Variants in ATP6V1A observed in about 807,000 individuals in gnomAD.
The protein encoded by ATP6V1A is ATPase H+ transporting V1 subunit A, also known as V-type proton ATPase catalytic subunit A.
In ATP6V1A, 18 loss-of-function variants were observed where a neutral mutation model predicts 70.1. The observed-to-expected ratio is 0.26, with a 90% confidence interval of 0.18 to 0.38. ATP6V1A has a LOEUF of 0.38. ATP6V1A is among the 10% of genes least tolerant of loss of function. ATP6V1A has a pLI of 1.00. For missense variants in ATP6V1A, 424 were observed against 772.4 expected, an observed-to-expected ratio of 0.55 and a Z score of 5.35; for synonymous variants, 232 against 253.8, an observed-to-expected ratio of 0.91 and a Z score of 0.82.
intron 1 of ATP6V1A, among the ~76,000 whole-genome samples, chr3:113,756,011 C>T (rs1240582513): frequency 6.6e-6 from 1 of 152,170 alleles, no homozygotes; most frequent in East Asian, 1.9e-4. Context: ...GAGCTTACTC[C>T]TGATCCAAAT....
At position 113,781,129 on chromosome 3, in the gene ATP6V1A, T is replaced by A; in HGVS notation, c.162T>A (p.Ile54=). The A allele has an allele frequency of 6.2e-7, 1 of 1,613,886 alleles. No homozygotes were observed. Among genetic ancestry groups the A allele is most frequent in the Non-Finnish European group, 8.5e-7 (1 of 1,179,850 alleles). Residue 54 remains isoleucine, a synonymous_variant, in exon 3 of 15, where the codon ATT becomes ATA. Transcript: ENST00000273398. ...RVGHSELVGE[I]IRLEGDMATI... ...GCCACAGCGAATTGGTTGGAGAGATTATTCGATTGGAGGGTGACATGGCTA... is the reference window on the plus strand; with the variant it reads ...GCCACAGCGAATTGGTTGGAGAGATAATTCGATTGGAGGGTGACATGGCTA...
At chr3:113,773,805 A>G (rs767700385) in intron 1 of ATP6V1A, among the ~76,000 whole-genome samples, 22 of 152,102 alleles carry the variant, frequency 1.4e-4, no homozygotes, top group Admixed American at 3.3e-4. Context: ...GCCCAACTCT[A>G]GGTTAGATGC....
chr3:113,806,484 A>C (rs551189432), intron 14 of ATP6V1A, among the ~76,000 whole-genome samples: 3 of 151,254 alleles, frequency 2.0e-5, no homozygotes, highest in South Asian at 2.1e-4. Flanking sequence ...TTTTTGAGAC[A>C]GTCTTGCTCT....
At chr3:113,770,533 G>A (rs1001702837) in intron 1 of ATP6V1A, among the ~76,000 whole-genome samples, 3 of 151,942 alleles carry the variant, frequency 2.0e-5, no homozygotes, top group Non-Finnish European at 4.4e-5. Flanking sequence ...CAAAAAATTA[G>A]CCAGGCATGG....
chr3:113,788,605 A>T, intron 6 of ATP6V1A, 108 bp from the exon 7 acceptor site: 4 of 1,025,328 alleles, frequency 3.9e-6, no homozygotes, highest in Non-Finnish European at 5.6e-6. Context: ...TTCGGCCCCC[A>T]CAAGTGCTGC....
At chr3:113,762,343 C>T (rs539429657) in intron 1 of ATP6V1A, among the ~76,000 whole-genome samples, 4 of 151,752 alleles carry the variant, frequency 2.6e-5, no homozygotes, top group South Asian at 2.1e-4. Context: ...CCAAAGCGGG[C>T]GGATCACCTG....
At chr3:113,777,480 A>G (rs1207253928) in intron 1 of ATP6V1A, among the ~76,000 whole-genome samples, 1 of 152,202 alleles carries the variant, frequency 6.6e-6, no homozygotes, top group Non-Finnish European at 1.5e-5. Context: ...GGAGTGCTGA[A>G]CATGGTGGCT....
intron 1 of ATP6V1A, among the ~76,000 whole-genome samples, chr3:113,758,066 C>T (rs1708664488): frequency 6.6e-6 from 1 of 152,092 alleles, no homozygotes; most frequent in Non-Finnish European, 1.5e-5. Flanking sequence ...ATCACTTGAA[C>T]CTAGGAGGCA....
intron 1 of ATP6V1A, among the ~76,000 whole-genome samples, chr3:113,768,390 C>G (rs1007886724): frequency 6.6e-6 from 1 of 151,906 alleles, no homozygotes; most frequent in African/African-American, 2.4e-5. Context: ...TTTCAAAGTC[C>G]TTTCTTGTTG....
chr3:113,761,353 CTAGTT>C (rs1319135139), intron 1 of ATP6V1A, among the ~76,000 whole-genome samples: 1 of 151,540 alleles, frequency 6.6e-6, no homozygotes, highest in East Asian at 1.9e-4. Flanking sequence ...TTACATTTGG[CTAGTT>C]TAGCTGCTCA....
intron 5 of ATP6V1A, 132 bp downstream of exon 5, chr3:113,784,965 A>C: frequency 2.0e-6 from 2 of 1,005,464 alleles, no homozygotes; most frequent in Non-Finnish European, 2.8e-6. Context: ...ATAATTTTTG[A>C]AAGTTTTTGT....
At chr3:113,754,533 C>T (rs1361646370) in intron 1 of ATP6V1A, among the ~76,000 whole-genome samples, 1 of 147,194 alleles carries the variant, frequency 6.8e-6, no homozygotes, top group African/African-American at 2.5e-5. Context: ...CACCCTGTCT[C>T]AAAAGTAAGA....
At chr3:113,803,792 G>A in intron 13 of ATP6V1A, 115 bp downstream of exon 13, 1 of 710,618 alleles carries the variant, frequency 1.4e-6, no homozygotes, top group East Asian at 2.6e-5. Flanking sequence ...CTCTGACTTA[G>A]TAGATTGGTT....
In ATP6V1A at chr3:113,786,214, C is replaced by T; in HGVS notation, c.565-18C>T. 6.3e-7 allele frequency: 1 copy of T among 1,587,500 alleles called. No homozygotes were observed. The highest frequency in any genetic ancestry group is 8.6e-7 in the Non-Finnish European group (1 of 1,163,172). ...TTCACAAATTTGACCATACTAAAATCCTACTGTATTTCTATAGGATGTTGT... is the reference window on the plus strand; with the variant it reads ...TTCACAAATTTGACCATACTAAAATTCTACTGTATTTCTATAGGATGTTGT... On this transcript the variant is annotated intron_variant, in intron 5 of 14. Coordinates refer to ENST00000273398, the MANE Select transcript of ATP6V1A (RefSeq NM_001690.4).
At chr3:113,766,191 C>T (rs1708768233) in intron 1 of ATP6V1A, among the ~76,000 whole-genome samples, 1 of 152,132 alleles carries the variant, frequency 6.6e-6, no homozygotes, top group Non-Finnish European at 1.5e-5. Flanking sequence ...CCTATAGATC[C>T]TGTGTCTGGT....
At chr3:113,800,780 AGC>A in intron 12 of ATP6V1A, among the ~76,000 whole-genome samples, 1 of 152,224 alleles carries the variant, frequency 6.6e-6, no homozygotes, top group African/African-American at 2.4e-5. Context: ...ATAAAAAGTA[AGC>A]ATTTATGTTT....
intron 11 of ATP6V1A, among the ~76,000 whole-genome samples, chr3:113,797,052 C>T (rs1348911603): frequency 6.6e-6 from 1 of 152,148 alleles, no homozygotes; most frequent in Non-Finnish European, 1.5e-5. Flanking sequence ...TCTCCTGCCT[C>T]AGCCTCCCAA....
chr3:113,788,960 C>A, intron 7 of ATP6V1A, 85 bp downstream of exon 7: 1 of 1,211,786 alleles, frequency 8.3e-7, no homozygotes, highest in Non-Finnish European at 1.2e-6. Flanking sequence ...TGTGTTGGGT[C>A]TGGAGCAATG....
At chr3:113,796,705 T>C (rs1281424197) in intron 11 of ATP6V1A, among the ~76,000 whole-genome samples, 2 of 152,186 alleles carry the variant, frequency 1.3e-5, no homozygotes, top group Non-Finnish European at 2.9e-5. Context: ...TATTTACTTG[T>C]GTTTCTGACA....
Sources: gnomAD v4.1 joint callset for allele counts (sites outside exome capture counted in the v4.1 genomes callset) on GRCh38, gnomAD v4.1.1 for gene constraint, MANE v1.5 for transcripts, NCBI Gene and HGNC (gene_info 2026-07-23, HGNC 2026-07-21) for gene names.